Variants in YAF2 observed in about 807,000 individuals in gnomAD.
YAF2 encodes the protein YY1-associated factor 2.
A neutral mutation model predicts 20.1 loss-of-function variants in YAF2; 7 were observed. The ratio of observed to expected loss-of-function variants is 0.35; its 90% CI spans 0.20 to 0.65. The LOEUF (loss-of-function observed/expected upper bound fraction) is 0.65. YAF2 is among the 30% of genes least tolerant of loss of function. The probability of loss-of-function intolerance (pLI) is 0.69; values close to 1 mark genes in which losing one functional copy is unlikely to be tolerated. For synonymous variants in YAF2, 74 were observed against 76.0 expected (o/e 0.97, Z 0.14); for missense variants, 151 against 219.2 (o/e 0.69, Z 1.96).
Position 42,160,750 on chromosome 12 carries a change from T to C in YAF2, c.382A>G (p.Thr128Ala). 6.2e-7 allele frequency: 1 copy of C among 1,613,768 alleles called. No individual in the cohort carries two copies. Among genetic ancestry groups the C allele is most frequent in the Non-Finnish European group, 8.5e-7 (1 of 1,179,854 alleles). ...VTVGDLTVII[T>A]DFKEKTKSPP... Reference sequence around the variant, plus strand: ...GACTTTGTTTTCTCCTTAAAGTCTGTAATAATGACTGTCAGATCTCCAACA... The same window carrying C: ...GACTTTGTTTTCTCCTTAAAGTCTGCAATAATGACTGTCAGATCTCCAACA... Residue 128 changes from threonine to alanine, a missense_variant, in exon 4 of 4, where the codon ACA becomes GCA. By Grantham distance (58) the Thr-to-Ala change is moderately conservative. Transcript: ENST00000534854.
chr12:42,174,694 A>G (rs1316996271), intron 2 of YAF2, among the ~76,000 whole-genome samples: 1 of 152,166 alleles, frequency 6.6e-6, no homozygotes, highest in East Asian at 1.9e-4. Flanking sequence ...TGTTGACCTC[A>G]TTCAGTCCTC....
At chr12:42,167,481 C>A (rs536620749) in intron 2 of YAF2, among the ~76,000 whole-genome samples, 21 of 151,952 alleles carry the variant, frequency 1.4e-4, no homozygotes, top group Admixed American at 2.6e-4. Context: ...AAGGAAAGAA[C>A]AAAACATAAA....
At chr12:42,164,141 C>G (rs1473107927) in intron 2 of YAF2, among the ~76,000 whole-genome samples, 1 of 152,156 alleles carries the variant, frequency 6.6e-6, no homozygotes, top group Non-Finnish European at 1.5e-5. Context: ...TAGCCACTGG[C>G]CAACTACAGT....
In YAF2 at chr12:42,162,052, T is replaced by A. The variant is rs148101627; in HGVS notation, c.153-287A>T. On this transcript the variant is annotated intron_variant, in intron 2 of 3. Coordinates refer to ENST00000534854, the MANE Select transcript of YAF2 (RefSeq NM_005748.6). Reference sequence around the variant, plus strand: ...TCAACATAAGAAATTATTTTAAATGTATATCAAAAAAAATGGGATGTACCC... The same window carrying A: ...TCAACATAAGAAATTATTTTAAATGAATATCAAAAAAAATGGGATGTACCC... Among the ~76,000 whole-genome samples, 325 of 152,208 alleles carry A rather than the reference T, an allele frequency of 2.1e-3. 3 individuals are homozygous for A. Among genetic ancestry groups the A allele is most frequent in the African/African-American group, 7.3e-3 (303 of 41,564 alleles).
chr12:42,229,344 C>T (rs1196088092), intron 2 of YAF2, among the ~76,000 whole-genome samples: 1 of 138,430 alleles, frequency 7.2e-6, no homozygotes, highest in Non-Finnish European at 1.5e-5. Flanking sequence ...GCTGACCTTC[C>T]CTCCACTATT....
chr12:42,217,124 T>C (rs1475216241), intron 2 of YAF2, among the ~76,000 whole-genome samples: 2 of 152,212 alleles, frequency 1.3e-5, no homozygotes, highest in Non-Finnish European at 2.9e-5. Flanking sequence ...CAAGAGAGAA[T>C]AAAATCTGTC....
At chr12:42,222,950 T>C (rs901294126) in intron 2 of YAF2, among the ~76,000 whole-genome samples, 1 of 152,016 alleles carries the variant, frequency 6.6e-6, no homozygotes, top group African/African-American at 2.4e-5. Flanking sequence ...TTTTTTTTTT[T>C]TGTTACCATT....
At chr12:42,213,804 A>T (rs1217791989) in intron 2 of YAF2, among the ~76,000 whole-genome samples, 1 of 152,196 alleles carries the variant, frequency 6.6e-6, no homozygotes, top group African/African-American at 2.4e-5. Flanking sequence ...ATGGAAACAT[A>T]CATCAAGGTA....
intron 2 of YAF2, among the ~76,000 whole-genome samples, chr12:42,169,452 C>A (rs2065990262): frequency 6.6e-6 from 1 of 152,040 alleles, no homozygotes; most frequent in African/African-American, 2.4e-5. Flanking sequence ...GTCTCACTGT[C>A]CCCCAGGCTG....
chr12:42,235,907 G>A (rs1305715338), intron 2 of YAF2: 3 of 1,535,910 alleles, frequency 2.0e-6, no homozygotes, highest in African/African-American at 1.4e-5. Flanking sequence ...TCTCTTCTGA[G>A]CTGCCACCAC....
At chr12:42,225,871 G>A (rs1001362030) in intron 2 of YAF2, among the ~76,000 whole-genome samples, 1 of 151,948 alleles carries the variant, frequency 6.6e-6, no homozygotes, top group Non-Finnish European at 1.5e-5. Flanking sequence ...GCTCTTTTTT[G>A]GTTCCACATG....
At position 42,208,586 on chromosome 12, in the gene YAF2, G is replaced by A. The variant is rs768913306; in HGVS notation, c.152+29013C>T. 2.2e-4 allele frequency among the ~76,000 whole-genome samples: 33 copies of A among 152,028 alleles called. 1 individual carries two copies. Among genetic ancestry groups the A allele is most frequent in the Non-Finnish European group, 2.9e-5 (2 of 68,000 alleles). On this transcript the variant is annotated intron_variant, in intron 2 of 3. Transcript: ENST00000534854. ...TATAGCCAAACACTAGCCAATAAGG[G>A]TATTAACTGGGTGCTGCTAAGGTAC...
At chr12:42,188,877 C>A (rs982925872) in intron 2 of YAF2, among the ~76,000 whole-genome samples, 1 of 152,146 alleles carries the variant, frequency 6.6e-6, no homozygotes, top group Non-Finnish European at 1.5e-5. Context: ...TGGTTCTTAT[C>A]TCATCATGGA....
intron 2 of YAF2, among the ~76,000 whole-genome samples, chr12:42,164,414 G>A (rs2065865820): frequency 6.6e-6 from 1 of 152,198 alleles, no homozygotes; most frequent in East Asian, 1.9e-4. Context: ...TTCAACTACG[G>A]TCTGCCTTCC....
At chr12:42,215,748 CCT>C (rs2137266532) in intron 2 of YAF2, among the ~76,000 whole-genome samples, 1 of 152,018 alleles carries the variant, frequency 6.6e-6, no homozygotes, top group East Asian at 1.9e-4. Context: ...ATGGCGAAAC[CCT>C]GTCTCTACTA....
intron 2 of YAF2, among the ~76,000 whole-genome samples, chr12:42,217,312 C>G (rs1029412869): frequency 6.6e-6 from 1 of 152,062 alleles, no homozygotes; most frequent in South Asian, 2.1e-4. Context: ...ATACAGTTTA[C>G]AAATACACTT....
chr12:42,180,020 T>C (rs10880261), intron 2 of YAF2, among the ~76,000 whole-genome samples: 53,605 of 151,942 alleles, frequency 0.35, 9,786 homozygotes, highest in South Asian at 0.48. Flanking sequence ...GACTTACTAG[T>C]ACAAAGTATT....
chr12:42,237,501 G>C (rs1469795944), intron 2 of YAF2, 98 bp downstream of exon 2: 1 of 1,363,300 alleles, frequency 7.3e-7, no homozygotes, highest in Non-Finnish European at 9.5e-7. Flanking sequence ...TCCTCCCGCC[G>C]GGTCCGCCAG....
At chr12:42,233,159 T>G in intron 2 of YAF2, 1 of 985,452 alleles carries the variant, frequency 1.0e-6, no homozygotes, top group Non-Finnish European at 1.2e-6. Flanking sequence ...AAAATCATAC[T>G]AGTGTAACAT....
Sources: gnomAD v4.1 joint callset for allele counts (sites outside exome capture counted in the v4.1 genomes callset) on GRCh38, gnomAD v4.1.1 for gene constraint, MANE v1.5 for transcripts, NCBI Gene and HGNC (gene_info 2026-07-23, HGNC 2026-07-21) for gene names.